Variants in UNC79 observed in about 807,000 individuals in gnomAD.
UNC79 encodes unc-79 subunit of NALCN channel complex.
A neutral mutation model predicts 283.1 loss-of-function variants in UNC79; 37 were observed. The observed-to-expected ratio is 0.13, with a 90% CI of 0.10 to 0.17. The LOEUF (loss-of-function observed/expected upper bound fraction) is 0.17, where lower values mean the gene tolerates loss of function less well. Ranked by LOEUF, UNC79 falls within the 10% of genes least tolerant of loss-of-function variation. The pLI, the probability that UNC79 is intolerant of heterozygous loss-of-function variation, is 1.00. For missense variants in UNC79, 2,272 were observed against 3,211.1 expected (o/e 0.71, Z 7.07); for synonymous variants, 1,107 against 1,200.2 (o/e 0.92, Z 1.61).
At chr14:93,448,229 T>A (rs2056526506) in intron 1 of UNC79, among the ~76,000 whole-genome samples, 1 of 151,786 alleles carries the variant, frequency 6.6e-6, no homozygotes, top group Non-Finnish European at 1.5e-5. Flanking sequence ...TGATACTTTC[T>A]ATTGGTCTGT....
At chr14:93,673,498 G>A (rs768468613) in intron 41 of UNC79, 43 bp downstream of exon 44, 3 of 1,560,138 alleles carry the variant, frequency 1.9e-6, no homozygotes, top group South Asian at 2.3e-5. Context: ...TGAGATCCAT[G>A]TATGTTTGGG....
At chr14:93,675,291 A>C (rs1353104139) in intron 41 of UNC79, among the ~76,000 whole-genome samples, 8 of 152,174 alleles carry the variant, frequency 5.3e-5, no homozygotes, top group African/African-American at 1.7e-4. Flanking sequence ...AACACTGTGG[A>C]AGAGGAAGTG....
chr14:93,572,813 T>C (rs749006711), exon 16 of UNC79: 2 of 1,613,316 alleles, frequency 1.2e-6, no homozygotes, highest in Non-Finnish European at 1.7e-6. Flanking sequence ...TACTGTGGCT[T>C]CATGTAAGTG....
At chr14:93,341,253 T>G (rs1176794789) in intron 1 of UNC79, among the ~76,000 whole-genome samples, 4 of 151,832 alleles carry the variant, frequency 2.6e-5, no homozygotes, top group Non-Finnish European at 5.9e-5. Flanking sequence ...GGTCAGGAGT[T>G]CGAGACCAGC....
intron 22 of UNC79, among the ~76,000 whole-genome samples, chr14:93,588,567 T>C (rs1414779213): frequency 6.6e-6 from 1 of 151,814 alleles, no homozygotes; most frequent in Non-Finnish European, 1.5e-5. Flanking sequence ...AGTGAAACCC[T>C]GTCTTTACTA....
intron 1 of UNC79, among the ~76,000 whole-genome samples, chr14:93,379,530 C>T (rs1356931363): frequency 1.3e-5 from 2 of 152,134 alleles, no homozygotes; most frequent in Non-Finnish European, 2.9e-5. Flanking sequence ...ATATTTCAGA[C>T]TTTAATAAAC....
chr14:93,592,471 G>A (rs978591988), intron 22 of UNC79, among the ~76,000 whole-genome samples: 2 of 152,118 alleles, frequency 1.3e-5, no homozygotes, highest in African/African-American at 4.8e-5. Context: ...ACTGCGCCTG[G>A]CCGACATAAC....
At chr14:93,668,955 G>C (rs1190098059) in intron 40 of UNC79, among the ~76,000 whole-genome samples, 1 of 143,906 alleles carries the variant, frequency 6.9e-6, no homozygotes, top group African/African-American at 2.7e-5. Flanking sequence ...TTTCAGCCTG[G>C]GCAACAGAGT....
chr14:93,701,904 TA>T (rs1170958499), intron 47 of UNC79, among the ~76,000 whole-genome samples: 1 of 152,218 alleles, frequency 6.6e-6, no homozygotes, highest in East Asian at 1.9e-4. Flanking sequence ...CATGGACGCT[TA>T]GCCACAGTGG....
chr14:93,646,758 T>G (rs958322876), intron 35 of UNC79, 112 bp downstream of exon 38: 44 of 1,205,726 alleles, frequency 3.6e-5, no homozygotes, highest in Non-Finnish European at 4.7e-5. Flanking sequence ...GTCTGTAATC[T>G]CAGCACTTTG....
At chr14:93,680,867 A>G (rs1003869547) in intron 41 of UNC79, among the ~76,000 whole-genome samples, 1 of 152,230 alleles carries the variant, frequency 6.6e-6, no homozygotes, top group African/African-American at 2.4e-5. Flanking sequence ...AATCTCTACC[A>G]GGAGACTGGG....
chr14:93,510,016 A>T (rs546428057), intron 7 of UNC79, among the ~76,000 whole-genome samples: 3 of 152,090 alleles, frequency 2.0e-5, no homozygotes, highest in African/African-American at 7.2e-5. Flanking sequence ...CCAAGCCTCA[A>T]CTCTTGCCCT....
intron 7 of UNC79, among the ~76,000 whole-genome samples, chr14:93,504,243 TCTC>T (rs1256123706): frequency 2.3e-5 from 3 of 130,608 alleles, no homozygotes; most frequent in African/African-American, 5.8e-5. Flanking sequence ...TCACCTACCT[TCTC>T]CTCTTTCTGT....
At chr14:93,643,058 C>T (rs1256777758) in intron 33 of UNC79, among the ~76,000 whole-genome samples, 3 of 152,178 alleles carry the variant, frequency 2.0e-5, no homozygotes, top group African/African-American at 7.2e-5. Flanking sequence ...TCCATTGTCT[C>T]CTCAGGCTTT....
At chr14:93,374,527 C>A (rs895120500) in intron 1 of UNC79, among the ~76,000 whole-genome samples, 1 of 151,990 alleles carries the variant, frequency 6.6e-6, no homozygotes, top group African/African-American at 2.4e-5. Flanking sequence ...TTGTAGCGTT[C>A]TTTCTTTCTT....
chr14:93,393,454 T>C (rs1362537490), intron 1 of UNC79, among the ~76,000 whole-genome samples: 4 of 152,196 alleles, frequency 2.6e-5, no homozygotes, highest in African/African-American at 7.2e-5. Flanking sequence ...GAAATAGGAT[T>C]CCCTTCTTTA....
intron 2 of UNC79, among the ~76,000 whole-genome samples, chr14:93,468,753 C>T (rs2057348018): frequency 6.6e-6 from 1 of 152,130 alleles, no homozygotes; most frequent in South Asian, 2.1e-4. Context: ...TCTTTCTGTT[C>T]TTATTTTTTG....
chr14:93,641,629 G>A (rs1224709725), intron 33 of UNC79, among the ~76,000 whole-genome samples: 1 of 152,134 alleles, frequency 6.6e-6, no homozygotes, highest in Non-Finnish European at 1.5e-5. Flanking sequence ...CTCCTGCCTG[G>A]GTGATAGAGT....
intron 1 of UNC79, among the ~76,000 whole-genome samples, chr14:93,416,816 CTG>C (rs2055470935): frequency 6.6e-6 from 1 of 152,114 alleles, no homozygotes; most frequent in Non-Finnish European, 1.5e-5. Context: ...GGTTTAAAGT[CTG>C]TTTTATCAGA....
Sources: allele counts gnomAD v4.1 joint callset (sites outside exome capture counted in the v4.1 genomes callset), GRCh38; gene constraint gnomAD v4.1.1; transcripts MANE v1.5; gene names NCBI Gene and HGNC (gene_info 2026-07-23, HGNC 2026-07-21).